The following SUMF1 variants were observed in gnomAD, a reference collection of about 807,000 sequenced individuals.
SUMF1 encodes sulfatase modifying factor 1.
A neutral mutation model predicts 47.6 loss-of-function variants in SUMF1; 48 were observed. That is an observed-to-expected ratio of 1.01 (90% CI 0.80 to 1.28). The LOEUF (loss-of-function observed/expected upper bound fraction) is 1.28, where lower values mean the gene tolerates loss of function less well. Among genes scored for constraint, SUMF1 ranks in the 50% most tolerant of loss-of-function variants. The pLI, the probability that SUMF1 is intolerant of heterozygous loss-of-function variation, is 0.00. For synonymous variants in SUMF1, 230 were observed against 192.1 expected (o/e 1.20, Z -1.63); for missense variants, 571 against 485.4 (o/e 1.18, Z -1.66).
chr3:4,451,869 G>C (rs920987492), intron 2 of SUMF1, among the ~76,000 whole-genome samples: 1 of 152,090 alleles, frequency 6.6e-6, no homozygotes, highest in Non-Finnish European at 1.5e-5. Flanking sequence ...ACTTTTAGTA[G>C]AGACGGGGTT....
intron 8 of SUMF1, among the ~76,000 whole-genome samples, chr3:4,341,955 G>C (rs939264624): frequency 6.6e-6 from 1 of 152,168 alleles, no homozygotes; most frequent in Non-Finnish European, 1.5e-5. Context: ...AAGGCAATAA[G>C]TAATAATTTA....
intron 8 of SUMF1, among the ~76,000 whole-genome samples, chr3:4,186,566 ATGC>A (rs1165717812): frequency 6.6e-6 from 1 of 152,122 alleles, no homozygotes; most frequent in Non-Finnish European, 1.5e-5. Context: ...CTGAAATAGA[ATGC>A]ATTACTCTAC....
intron 8 of SUMF1, among the ~76,000 whole-genome samples, chr3:4,139,944 T>G (rs1234856901): frequency 6.6e-6 from 1 of 152,004 alleles, no homozygotes; most frequent in Non-Finnish European, 1.5e-5. Flanking sequence ...CTTTTCTGTC[T>G]CTTTTAGCCA....
At chr3:4,419,685 C>CTTATCCAT (rs1450525401) in intron 4 of SUMF1, among the ~76,000 whole-genome samples, 1 of 152,122 alleles carries the variant, frequency 6.6e-6, no homozygotes, top group Non-Finnish European at 1.5e-5. Context: ...TGGGAGGACA[C>CTTATCCAT]AATTACTTAT....
At chr3:4,130,292 C>T (rs562641549) in intron 8 of SUMF1, among the ~76,000 whole-genome samples, 35 of 152,280 alleles carry the variant, frequency 2.3e-4, no homozygotes, top group Middle Eastern at 6.8e-3. Context: ...GGTATGCAGC[C>T]ATTGACTTGA....
In SUMF1 at chr3:4,401,470, G is replaced by C. The variant is rs971782028; in HGVS notation, c.954+9395C>G. On this transcript the variant is annotated intron_variant, in intron 7 of 8. Transcript: ENST00000272902. Reference sequence around the variant, plus strand: ...CACCCTCTTAACCATGTTACTGTCAGCTGCAGCCTCCATCACTGCCTACTT... The same window carrying C: ...CACCCTCTTAACCATGTTACTGTCACCTGCAGCCTCCATCACTGCCTACTT... 3.9e-5 allele frequency among the ~76,000 whole-genome samples: 6 copies of C among 152,200 alleles called. No individual in the cohort carries two copies. The East Asian group carries it at 1.2e-3, about 29-fold the overall frequency.
intron 8 of SUMF1, among the ~76,000 whole-genome samples, chr3:4,160,134 A>G (rs1056878681): frequency 2.0e-5 from 3 of 152,104 alleles, no homozygotes; most frequent in Non-Finnish European, 4.4e-5. Context: ...CACTGCTTCA[A>G]ATAAACTTTC....
chr3:4,358,517 G>T (rs1249925948), downstream of SUMF1, among the ~76,000 whole-genome samples: 1 of 152,148 alleles, frequency 6.6e-6, no homozygotes, highest in Non-Finnish European at 1.5e-5. Context: ...AAGTCATGTT[G>T]GATCACATGT....
chr3:4,410,959 T>C lies in SUMF1; in HGVS notation c.860A>G (p.Asn287Ser), dbSNP rs766298096. Residue 287 changes from asparagine (N) to serine (S), a missense_variant, in exon 7 of 9, where the codon AAT becomes AGT. Physicochemically the swap from Asn to Ser is conservative, Grantham distance 46. Transcript: ENST00000272902. ...CACTATGTTGTATAAGCCATAACCA[T>C]TGGGAGGGAAGGCATCAACCTAAAA... ...GTAPVDAFPP[N>S]GYGLYNIVGN... 5 of 1,613,976 alleles carry C rather than the reference T, an allele frequency of 3.1e-6. No homozygotes were observed. The highest frequency in any genetic ancestry group is 4.2e-6 in the Non-Finnish European group (5 of 1,179,890).
At chr3:4,131,555 G>T (rs1262343525) in intron 8 of SUMF1, among the ~76,000 whole-genome samples, 1 of 152,132 alleles carries the variant, frequency 6.6e-6, no homozygotes, top group Non-Finnish European at 1.5e-5. Context: ...ACCTGGTTGT[G>T]CACTTTGCAT....
chr3:4,237,127 A>G (rs1559598059), intron 8 of SUMF1, among the ~76,000 whole-genome samples: 1 of 152,098 alleles, frequency 6.6e-6, no homozygotes, highest in Non-Finnish European at 1.5e-5. Flanking sequence ...ATCATAGTTT[A>G]TTTATTCATT....
At chr3:4,421,451 T>C (rs1701894201) in intron 3 of SUMF1, among the ~76,000 whole-genome samples, 1 of 152,246 alleles carries the variant, frequency 6.6e-6, no homozygotes, top group Non-Finnish European at 1.5e-5. Flanking sequence ...AACTAATCAT[T>C]GTTGCTAATA....
At chr3:4,303,965 GTGGGCTCT>G in intron 8 of SUMF1, 1 of 835,738 alleles carries the variant, frequency 1.2e-6, no homozygotes, top group South Asian at 2.0e-5. Context: ...CCCTCACGCT[GTGGGCTCT>G]TGGGCGAGTG....
At chr3:4,160,875 T>G (rs539935246) in intron 8 of SUMF1, among the ~76,000 whole-genome samples, 2 of 152,144 alleles carry the variant, frequency 1.3e-5, no homozygotes, top group Non-Finnish European at 2.9e-5. Context: ...ATGGCCTTGA[T>G]GCTTGTGGAT....
At chr3:4,152,902 C>T (rs1409400418) in intron 8 of SUMF1, among the ~76,000 whole-genome samples, 1 of 151,528 alleles carries the variant, frequency 6.6e-6, no homozygotes, top group African/African-American at 2.4e-5. Context: ...ATACCTTATA[C>T]ATCCCTAGTC....
At chr3:4,255,871 C>A (rs1434729384) in intron 8 of SUMF1, among the ~76,000 whole-genome samples, 40 of 96,726 alleles carry the variant, frequency 4.1e-4, no homozygotes, top group African/African-American at 1.9e-3. Flanking sequence ...GGAAGTAAAG[C>A]TCTCCTCAGC....
At chr3:4,316,037 ACT>A (rs10585687) in intron 8 of SUMF1, among the ~76,000 whole-genome samples, 10,021 of 133,158 alleles carry the variant, frequency 0.075, 422 homozygotes, top group Middle Eastern at 0.13. Flanking sequence ...ACAGAGCGAG[ACT>A]CTGTCTCAAA....
chr3:4,119,212 C>G (rs1693485608), intron 8 of SUMF1, among the ~76,000 whole-genome samples: 1 of 152,156 alleles, frequency 6.6e-6, no homozygotes, highest in South Asian at 2.1e-4. Flanking sequence ...ATTGTCACTA[C>G]CTTATCTTAG....
At chr3:4,437,597 A>G (rs1442109498) in intron 3 of SUMF1, among the ~76,000 whole-genome samples, 1 of 152,238 alleles carries the variant, frequency 6.6e-6, no homozygotes, top group Non-Finnish European at 1.5e-5. Flanking sequence ...AAATGCAGCT[A>G]TATATTATTT....
Sources: gnomAD v4.1 joint callset for allele counts (sites outside exome capture counted in the v4.1 genomes callset) on GRCh38, gnomAD v4.1.1 for gene constraint, MANE v1.5 for transcripts, NCBI Gene and HGNC (gene_info 2026-07-23, HGNC 2026-07-21) for gene names.